The following STAU1 variants were observed in gnomAD, a reference collection of about 807,000 sequenced individuals.
STAU1 encodes the protein double-stranded RNA-binding protein Staufen homolog 1.
In STAU1, 13 loss-of-function variants were observed where a neutral mutation model predicts 62.9. That is an observed-to-expected ratio of 0.21 (90% CI 0.13 to 0.33). STAU1 has a LOEUF of 0.33. Ranked by LOEUF, STAU1 falls within the 10% of genes least tolerant of loss-of-function variation. The pLI, the probability that STAU1 is intolerant of heterozygous loss-of-function variation, is 1.00. For missense variants in STAU1, 571 were observed against 712.1 expected, an observed-to-expected ratio of 0.80 and a Z score of 2.25; for synonymous variants, 269 against 265.1, an observed-to-expected ratio of 1.01 and a Z score of -0.14.
At chr20:49,126,577 A>AAAAAAAAAAAAAACAAAAAAAAAAAC (rs1555837188) in intron 6 of STAU1, among the ~76,000 whole-genome samples, 1 of 35,036 alleles carries the variant, frequency 2.9e-5, no homozygotes, top group African/African-American at 1.4e-4. Context: ...CAAAAAGCAA[A>AAAAAAAAAAAAAACAAAAAAAAAAAC]AAAAAAAAAA....
In STAU1 at chr20:49,166,278, AG is replaced by A. The variant is rs1269320781; in HGVS notation, c.-78del. On this transcript the variant is annotated 5_prime_UTR_variant, in exon 3 of 14. Transcript: ENST00000371856. ...GTTAATTCAGTGCTATGAAGTCTAAAGTTCTACCTAAAAGTTGTAAGGGAAA... is the reference window on the plus strand; with the variant it reads ...GTTAATTCAGTGCTATGAAGTCTAAATTCTACCTAAAAGTTGTAAGGGAAA... 7.6e-7 allele frequency: 1 copy of A among 1,310,750 alleles called. No individual in the cohort carries two copies. The highest frequency in any genetic ancestry group is 1.3e-5 in the South Asian group (1 of 77,844). The allele number at this position is 1,310,750 out of a possible 1,614,324, so 81.2% of individuals were successfully genotyped here.
chr20:49,163,452 A>C (rs2093480416), intron 3 of STAU1, among the ~76,000 whole-genome samples: 2 of 118,630 alleles, frequency 1.7e-5, no homozygotes, highest in African/African-American at 6.9e-5. Flanking sequence ...TTGAGATGGA[A>C]TCTCGCTCTG....
the STAU1 span, among the ~76,000 whole-genome samples, chr20:49,206,573 G>A: frequency 6.8e-6 from 1 of 147,380 alleles, no homozygotes; most frequent in Non-Finnish European, 1.5e-5. Flanking sequence ...GCAGTGGCAT[G>A]GTCATGGTTT....
rs537054522 is a variant in STAU1, at chr20:49,174,829, T to A, written c.-159-560A>T. 4.7e-4 allele frequency among the ~76,000 whole-genome samples: 71 copies of A among 150,404 alleles called. 1 individual carries two copies. Among genetic ancestry groups the A allele is most frequent in the South Asian group, 4.6e-3 (22 of 4,752 alleles). The stretch of plus-strand genomic sequence containing the variant: ...GCGGGGGCCTGTAGTCCCAGCTACT[T>A]GGGAGGCTGAGGCAGAATGGTGTGA... On this transcript the variant is annotated intron_variant, in intron 1 of 13. Transcript: ENST00000371856.
At chr20:49,200,679 G>A in the STAU1 span, among the ~76,000 whole-genome samples, 10 of 151,866 alleles carry the variant, frequency 6.6e-5, no homozygotes, top group African/African-American at 2.4e-4. Context: ...TCTCTAGGTG[G>A]AAAAAACTTA....
chr20:49,166,015 A>T lies in STAU1; in HGVS notation c.187T>A (p.Ser63Thr). Reference sequence around the variant, plus strand: ...TGCTTACCTGCAGCTGCACTGGTGGATGTAATAGATGCAGAGGGTAAAGCA... The same window carrying T: ...TGCTTACCTGCAGCTGCACTGGTGGTTGTAATAGATGCAGAGGGTAAAGCA... ...NSALPSASIT[S>T]TSAAAESITP... Residue 63 changes from serine to threonine, a missense_variant, in exon 3 of 14, where the codon TCC becomes ACC. Ser to Thr is a moderately conservative substitution (Grantham distance 58). Transcript: ENST00000371856. The T allele has an allele frequency of 6.2e-7, 1 of 1,614,172 alleles. No individual in the cohort carries two copies. The highest frequency in any genetic ancestry group is 8.5e-7 in the Non-Finnish European group (1 of 1,179,998).
chr20:49,115,387 G>A (rs548438256), intron 13 of STAU1, among the ~76,000 whole-genome samples: 4 of 152,084 alleles, frequency 2.6e-5, no homozygotes, highest in South Asian at 2.1e-4. Context: ...TGCAACCTCC[G>A]CCTCCCAGGT....
chr20:49,202,257 A>AGAAAGAAAGAAAGAAAGAAAGAAC, the STAU1 span, among the ~76,000 whole-genome samples: 1 of 138,686 alleles, frequency 7.2e-6, no homozygotes. Context: ...AAAGAAAGAA[A>AGAAAGAAAGAAAGAAAGAAAGAAC]GAATCAACTA....
At chr20:49,190,021 G>C (rs2093828469), upstream of STAU1, among the ~76,000 whole-genome samples, 1 of 152,106 alleles carries the variant, frequency 6.6e-6, no homozygotes, top group African/African-American at 2.4e-5. Flanking sequence ...CGTCCCTTTA[G>C]TGCCCATCCA....
At chr20:49,135,986 T>TGA in intron 5 of STAU1, 55 bp from the exon 6 acceptor site, 1 of 1,401,132 alleles carries the variant, frequency 7.1e-7, no homozygotes, top group Non-Finnish European at 1.0e-6. Context: ...AATGGCCAGG[T>TGA]GAGTTGGTTC....
At chr20:49,196,009 C>T in the STAU1 span, among the ~76,000 whole-genome samples, 15 of 147,444 alleles carry the variant, frequency 1.0e-4, no homozygotes, top group African/African-American at 3.5e-4. Context: ...GAGGCCGAGG[C>T]GGGTGGATCA....
At chr20:49,150,640 C>G (rs1307957209) in intron 5 of STAU1, among the ~76,000 whole-genome samples, 1 of 152,212 alleles carries the variant, frequency 6.6e-6, no homozygotes, top group African/African-American at 2.4e-5. Flanking sequence ...GGATTACAGG[C>G]GTGAGCCACT....
intron 6 of STAU1, among the ~76,000 whole-genome samples, chr20:49,127,230 T>G (rs1359426645): frequency 6.6e-6 from 1 of 152,052 alleles, no homozygotes; most frequent in African/African-American, 2.4e-5. Context: ...GGCGGGCACC[T>G]GTAATCCCAG....
In STAU1 at chr20:49,113,872, T is replaced by C. The variant is rs747121623; in HGVS notation, c.*1006A>G. On this transcript the variant is annotated 3_prime_UTR_variant, in exon 14 of 14. Transcript: ENST00000371856. ...GCTAAGTCCTCAAGAGCCATATGTATAGATACACAATGTTTTTTAATAATC... is the reference window on the plus strand; with the variant it reads ...GCTAAGTCCTCAAGAGCCATATGTACAGATACACAATGTTTTTTAATAATC... The C allele has an allele frequency of 3.3e-5, 5 of 152,656 alleles. No individual in the cohort carries two copies. The highest frequency in any genetic ancestry group is 4.4e-5 in the Non-Finnish European group (3 of 68,050). The allele number at this position is 152,656 out of a possible 1,614,324, so 9.5% of individuals were successfully genotyped here.
At chr20:49,119,572 T>C (rs766189240) in intron 9 of STAU1, among the ~76,000 whole-genome samples, 2 of 152,194 alleles carry the variant, frequency 1.3e-5, no homozygotes, top group Non-Finnish European at 2.9e-5. Context: ...ACTGTCTTAT[T>C]TTGCCAGAAA....
chr20:49,218,477 G>A, the STAU1 span, among the ~76,000 whole-genome samples: 1 of 151,882 alleles, frequency 6.6e-6, no homozygotes, highest in Non-Finnish European at 1.5e-5. Context: ...CGCCCGCCTC[G>A]GCCTCCCGAA....
intron 5 of STAU1, among the ~76,000 whole-genome samples, chr20:49,141,362 ATGG>A (rs2093003587): frequency 6.6e-6 from 1 of 152,090 alleles, no homozygotes; most frequent in African/African-American, 2.4e-5. Flanking sequence ...GCTGAGATGG[ATGG>A]TTTGTTTGAA....
intron 5 of STAU1, among the ~76,000 whole-genome samples, chr20:49,140,106 A>G (rs1289514267): frequency 1.3e-5 from 2 of 152,010 alleles, no homozygotes; most frequent in Non-Finnish European, 2.9e-5. Context: ...GAATCGCTTG[A>G]ACCCAGGAGG....
the STAU1 span, among the ~76,000 whole-genome samples, chr20:49,213,001 AT>A: frequency 6.6e-6 from 1 of 151,176 alleles, no homozygotes; most frequent in South Asian, 2.1e-4. Flanking sequence ...TTTTTATTTT[AT>A]TTTATTTATT....
Sources: gnomAD v4.1 joint callset for allele counts (sites outside exome capture counted in the v4.1 genomes callset) on GRCh38, gnomAD v4.1.1 for gene constraint, MANE v1.5 for transcripts, NCBI Gene and HGNC (gene_info 2026-07-23, HGNC 2026-07-21) for gene names.